USP12: variants seen among roughly 807,000 people sequenced by gnomAD.
USP12 encodes the protein ubiquitin specific peptidase 12, also known as ubiquitin carboxyl-terminal hydrolase 12.
Under a neutral mutation model 45.5 loss-of-function variants are expected in USP12, and 19 were observed. The ratio of observed to expected loss-of-function variants is 0.42; its 90% CI spans 0.29 to 0.61. The LOEUF is 0.61. USP12 is among the 20% of genes least tolerant of loss of function. The pLI is 0.22. For synonymous variants in USP12, 149 were observed against 148.8 expected (o/e 1.00, Z -0.01); for missense variants, 242 against 447.7 (o/e 0.54, Z 4.15).
chr13:27,085,234 G>A (rs1042737453), intron 6 of USP12, among the ~76,000 whole-genome samples: 10 of 150,858 alleles, frequency 6.6e-5, no homozygotes, highest in African/African-American at 2.2e-4. Context: ...GTGCAGTGGC[G>A]CCATCTCAGC....
rs369068393 is a variant in USP12, at chr13:27,128,663, A to G, written c.49-12067T>C. On this transcript the variant is annotated intron_variant, in intron 1 of 8. Transcript: ENST00000282344. ...TTCTACCATATTCTTGATAATTTCT[A>G]TATCTATTCCACCAAATAATGTTTC... 2.0e-5 allele frequency among the ~76,000 whole-genome samples: 3 copies of G among 152,314 alleles called. No individual in the cohort carries two copies. In the East Asian group the frequency reaches 5.8e-4, roughly 29 times the overall value.
rs753913091 is a variant in USP12, at chr13:27,171,687, G to T, written c.-48C>A. 1 of 1,176,548 alleles carries T rather than the reference G, an allele frequency of 8.5e-7. No individual in the cohort carries two copies. Among genetic ancestry groups the T allele is most frequent in the Non-Finnish European group, 1.1e-6 (1 of 918,174 alleles). The allele number at this position is 1,176,548 out of a possible 1,614,324, so 72.9% of individuals were successfully genotyped here. Reference sequence around the variant, plus strand: ...CAATCACAGCGGCGGCGGCGGGCGGGGGAGGAGGGGAGCCGGGCCGCCCGC... The same window carrying T: ...CAATCACAGCGGCGGCGGCGGGCGGTGGAGGAGGGGAGCCGGGCCGCCCGC... On this transcript the variant is annotated 5_prime_UTR_variant, in exon 1 of 9. Transcript: ENST00000282344.
At chr13:27,145,280 T>C (rs1877261584) in intron 1 of USP12, among the ~76,000 whole-genome samples, 1 of 152,194 alleles carries the variant, frequency 6.6e-6, no homozygotes, top group South Asian at 2.1e-4. Context: ...ATGGCAATGG[T>C]AGCTCCTAAG....
intron 3 of USP12, 37 bp downstream of exon 3, chr13:27,105,693 TC>T (rs761147423): frequency 4.4e-6 from 7 of 1,578,008 alleles, no homozygotes; most frequent in Non-Finnish European, 6.1e-6. Context: ...TATTTAACCT[TC>T]CTAGTATGTC....
intron 1 of USP12, among the ~76,000 whole-genome samples, chr13:27,169,580 G>C (rs1456717652): frequency 6.6e-6 from 1 of 152,106 alleles, no homozygotes. Context: ...GGCATTTTCT[G>C]TATTTGCCAA....
rs1873049997 is a variant in USP12, at chr13:27,067,461, T to G, written c.*1822A>C. The G allele has an allele frequency of 6.6e-6, 1 of 152,188 alleles. No homozygotes were observed. The highest frequency in any genetic ancestry group is 1.9e-4 in the East Asian group (1 of 5,206). 9.4% of individuals were successfully genotyped at this position (152,188 alleles called of 1,614,324 possible). Reference sequence around the variant, plus strand: ...TTGTACAAAACACCTCTAGCCAGGGTAAGGCTTTAGGAACTATCTTAAAAA... The same window carrying G: ...TTGTACAAAACACCTCTAGCCAGGGGAAGGCTTTAGGAACTATCTTAAAAA... On this transcript the variant is annotated 3_prime_UTR_variant, in exon 9 of 9. Transcript: ENST00000282344.
At chr13:27,080,006 G>A (rs1371055332) in intron 6 of USP12, among the ~76,000 whole-genome samples, 2 of 152,182 alleles carry the variant, frequency 1.3e-5, no homozygotes, top group African/African-American at 2.4e-5. Context: ...AGCAATGAGA[G>A]GACATTTAGG....
Position 27,102,380 on chromosome 13 carries a change from C to T in USP12, c.343+3351G>A, listed in dbSNP as rs867568103. Among the ~76,000 whole-genome samples the T allele has an allele frequency of 3.3e-5, 5 of 152,234 alleles. No individual in the cohort carries two copies. In the South Asian group the frequency reaches 1.0e-3, roughly 32 times the overall value. On this transcript the variant is annotated intron_variant, in intron 3 of 8. Coordinates refer to ENST00000282344, the MANE Select transcript of USP12 (RefSeq NM_182488.4). ...CTCCTGCCTCTACTCTCATGCTGCC[C>T]AGGCCCACCCAGCAGCCAAAGGGTC...
At chr13:27,074,268 T>C (rs1432731624) in intron 7 of USP12, among the ~76,000 whole-genome samples, 3 of 152,076 alleles carry the variant, frequency 2.0e-5, no homozygotes, top group Admixed American at 6.5e-5. Flanking sequence ...GGCGTGGTGG[T>C]GGGTGCCTGT....
intron 2 of USP12, 98 bp downstream of exon 2, chr13:27,116,418 G>C (rs1875744861): frequency 2.0e-6 from 2 of 989,408 alleles, no homozygotes; most frequent in African/African-American, 1.7e-5. Flanking sequence ...TCTATTAATA[G>C]AAAAGAACAA....
At chr13:27,074,446 G>A (rs1873388109) in intron 7 of USP12, among the ~76,000 whole-genome samples, 2 of 152,108 alleles carry the variant, frequency 1.3e-5, no homozygotes, top group Admixed American at 1.3e-4. Context: ...GAGGAGGGCT[G>A]AAGATGAGAA....
At chr13:27,110,826 A>T (rs948622647) in intron 2 of USP12, among the ~76,000 whole-genome samples, 4 of 152,326 alleles carry the variant, frequency 2.6e-5, no homozygotes, top group South Asian at 4.1e-4. Context: ...TGGTTATATC[A>T]ATTGAAGAGA....
rs146710757 is a variant in USP12, at chr13:27,152,057, A to T, written c.48+19535T>A. ...GGAACAGCCATACACTGTTGGCAGGAACATAAAATGGTCCATCTCTGGAAA... is the reference window on the plus strand; with the variant it reads ...GGAACAGCCATACACTGTTGGCAGGTACATAAAATGGTCCATCTCTGGAAA... On this transcript the variant is annotated intron_variant, in intron 1 of 8. Transcript: ENST00000282344. 3.0e-3 allele frequency among the ~76,000 whole-genome samples: 462 copies of T among 152,312 alleles called. 2 individuals are homozygous for T. Among genetic ancestry groups the T allele is most frequent in the African/African-American group, 0.011 (445 of 41,554 alleles).
At chr13:27,082,928 C>G (rs1159114871) in intron 6 of USP12, among the ~76,000 whole-genome samples, 1 of 152,188 alleles carries the variant, frequency 6.6e-6, no homozygotes, top group Non-Finnish European at 1.5e-5. Flanking sequence ...CTCCGCCTCC[C>G]AGGTTCAAGT....
At chr13:27,081,122 T>A (rs1319728575) in intron 6 of USP12, among the ~76,000 whole-genome samples, 3 of 148,128 alleles carry the variant, frequency 2.0e-5, no homozygotes, top group Non-Finnish European at 4.4e-5. Flanking sequence ...TTTCTCAAAA[T>A]AAGACAAGAA....
intron 2 of USP12, among the ~76,000 whole-genome samples, chr13:27,114,782 A>C (rs533380267): frequency 3.7e-4 from 57 of 152,144 alleles, no homozygotes; most frequent in Non-Finnish European, 2.9e-4. Context: ...AAAAAAAAAA[A>C]AAACAAACTT....
chr13:27,163,768 TAAAAAAAAAAA>T lies in USP12; in HGVS notation c.48+7813_48+7823del, dbSNP rs34384911. The stretch of plus-strand genomic sequence containing the variant: ...CTGAGCAATAGAGCAAGACCTGTCT[TAAAAAAAAAAA>T]AAAAAAGAAAAAAAAAAAAGAAAAG... On this transcript the variant is annotated intron_variant, in intron 1 of 8. Transcript: ENST00000282344. Among the ~76,000 whole-genome samples, 19 of 83,304 alleles carry T rather than the reference TAAAAAAAAAAA, an allele frequency of 2.3e-4. No individual in the cohort carries two copies. In the South Asian group the frequency reaches 0.011, roughly 48 times the overall value. 54.7% of individuals were successfully genotyped at this position (83,304 alleles called of 152,430 possible).
intron 1 of USP12, among the ~76,000 whole-genome samples, chr13:27,131,818 C>T (rs1876515687): frequency 6.6e-6 from 1 of 152,114 alleles, no homozygotes; most frequent in Non-Finnish European, 1.5e-5. Context: ...GAGACAATAC[C>T]CATTAACGGT....
intron 7 of USP12, among the ~76,000 whole-genome samples, chr13:27,073,171 A>G (rs1310827952): frequency 6.6e-6 from 1 of 150,464 alleles, no homozygotes; most frequent in Non-Finnish European, 1.5e-5. Context: ...GCAGGAAGGC[A>G]TGAGGCAATG....
Sources: allele counts gnomAD v4.1 joint callset (sites outside exome capture counted in the v4.1 genomes callset), GRCh38; gene constraint gnomAD v4.1.1; transcripts MANE v1.5; gene names NCBI Gene and HGNC (gene_info 2026-07-23, HGNC 2026-07-21).